The following CHD6 variants were observed in gnomAD, a reference collection of about 807,000 sequenced individuals.
The protein encoded by CHD6 is chromodomain helicase DNA binding protein 6.
A neutral mutation model predicts 276.9 loss-of-function variants in CHD6; 50 were observed. That is an observed-to-expected ratio of 0.18 (90% CI 0.14 to 0.23). CHD6 has a LOEUF of 0.23. CHD6 is among the 10% of genes least tolerant of loss of function. The probability of loss-of-function intolerance (pLI) is 1.00; values close to 1 mark genes in which losing one functional copy is unlikely to be tolerated. For synonymous variants in CHD6, 1,173 were observed against 1,229.3 expected (o/e 0.95, Z 0.96); for missense variants, 2,564 against 3,365.8 (o/e 0.76, Z 5.89).
At chr20:41,471,115 T>G (rs1385945156) in intron 17 of CHD6, among the ~76,000 whole-genome samples, 1 of 152,244 alleles carries the variant, frequency 6.6e-6, no homozygotes, top group Non-Finnish European at 1.5e-5. Flanking sequence ...TATTTTAGGT[T>G]TTGTTGGCTA....
At chr20:41,510,722 T>C (rs906338121) in intron 5 of CHD6, among the ~76,000 whole-genome samples, 20 of 152,206 alleles carry the variant, frequency 1.3e-4, no homozygotes, top group Non-Finnish European at 2.1e-4. Context: ...ATCTGAAATA[T>C]GATTAATGGC....
At position 41,433,718 on chromosome 20, in the gene CHD6, C is replaced by T. The variant is rs570548312; in HGVS notation, c.4068+3556G>A. ...TGGGTAAATATAGCATATTTTCCTT[C>T]TCCTCTTGAGTTTTCTAAGTGATGT... On this transcript the variant is annotated intron_variant, in intron 27 of 36. Transcript: ENST00000373233. 2.4e-4 allele frequency among the ~76,000 whole-genome samples: 36 copies of T among 151,516 alleles called. No homozygotes were observed. In the South Asian group the frequency reaches 7.3e-3, roughly 31 times the overall value.
chr20:41,463,425 C>T (rs866404715), intron 17 of CHD6, among the ~76,000 whole-genome samples: 2 of 152,122 alleles, frequency 1.3e-5, no homozygotes, highest in African/African-American at 4.8e-5. Context: ...AAGGGAAAAA[C>T]AGAAACTTTA....
At chr20:41,588,951 C>T (rs1343109770) in intron 1 of CHD6, among the ~76,000 whole-genome samples, 3 of 152,038 alleles carry the variant, frequency 2.0e-5, no homozygotes, top group African/African-American at 7.3e-5. Flanking sequence ...TGATGAACAT[C>T]GATGCAAAAA....
chr20:41,551,363 G>A lies in CHD6; in HGVS notation c.-23-3C>T, dbSNP rs758846925. The A allele has an allele frequency of 5.3e-6, 7 of 1,318,680 alleles. No individual in the cohort carries two copies. Among genetic ancestry groups the A allele is most frequent in the Non-Finnish European group, 7.6e-6 (7 of 925,938 alleles). The allele number at this position is 1,318,680 out of a possible 1,614,324, so 81.7% of individuals were successfully genotyped here. On this transcript the variant is annotated splice_polypyrimidine_tract_variant and splice_region_variant and intron_variant, in intron 1 of 36. Coordinates refer to ENST00000373233, the MANE Select transcript of CHD6 (RefSeq NM_032221.5). ...CTATTGAAGGAAGATATTTATTTCT[G>A]TAAAACATTTTTAAAAAGGCAAAGA...
chr20:41,451,254 G>C, intron 22 of CHD6, 149 bp from the exon 23 acceptor site: 2 of 651,224 alleles, frequency 3.1e-6, no homozygotes, highest in Non-Finnish European at 5.3e-6. Flanking sequence ...GGTGGTGGTG[G>C]TAGGAAGGAA....
chr20:41,605,877 A>C (rs1392027920), intron 1 of CHD6, among the ~76,000 whole-genome samples: 1 of 152,248 alleles, frequency 6.6e-6, no homozygotes, highest in Admixed American at 6.5e-5. Flanking sequence ...ATACTTGACC[A>C]AATGAAAACT....
chr20:41,441,089 C>T (rs1050223941), intron 25 of CHD6, among the ~76,000 whole-genome samples: 1 of 152,160 alleles, frequency 6.6e-6, no homozygotes, highest in African/African-American at 2.4e-5. Flanking sequence ...AGGTGCTGCC[C>T]ACATGAGGTA....
chr20:41,593,486 A>G (rs1339656754), intron 1 of CHD6, among the ~76,000 whole-genome samples: 1 of 152,142 alleles, frequency 6.6e-6, no homozygotes, highest in Non-Finnish European at 1.5e-5. Flanking sequence ...GTCCCACATG[A>G]CTTTGGCCTA....
intron 17 of CHD6, among the ~76,000 whole-genome samples, chr20:41,459,684 C>T (rs950721112): frequency 6.6e-6 from 1 of 152,238 alleles, no homozygotes; most frequent in East Asian, 1.9e-4. Context: ...AGCCTTTCGC[C>T]TCTTGCCATG....
chr20:41,447,186 G>T (rs2048096065), intron 24 of CHD6, among the ~76,000 whole-genome samples: 1 of 152,124 alleles, frequency 6.6e-6, no homozygotes, highest in South Asian at 2.1e-4. Flanking sequence ...ATTGCTCAAT[G>T]GAAAGCAAGA....
chr20:41,535,436 T>G (rs2044807378), intron 2 of CHD6, among the ~76,000 whole-genome samples: 1 of 152,174 alleles, frequency 6.6e-6, no homozygotes, highest in African/African-American at 2.4e-5. Flanking sequence ...GGCTACTGAG[T>G]GCAGGAGCCT....
chr20:41,438,227 G>C (rs2047778607), intron 26 of CHD6, among the ~76,000 whole-genome samples: 1 of 152,146 alleles, frequency 6.6e-6, no homozygotes, highest in Non-Finnish European at 1.5e-5. Context: ...TAGCTCAGCT[G>C]CCTAATGTCT....
intron 3 of CHD6, among the ~76,000 whole-genome samples, chr20:41,524,790 CA>C (rs1285542550): frequency 6.6e-6 from 1 of 152,154 alleles, no homozygotes; most frequent in Non-Finnish European, 1.5e-5. Context: ...TGGAGGCAAC[CA>C]CACTTTAAAT....
intron 5 of CHD6, among the ~76,000 whole-genome samples, chr20:41,506,967 G>T (rs2043991081): frequency 6.6e-6 from 1 of 152,196 alleles, no homozygotes; most frequent in Non-Finnish European, 1.5e-5. Flanking sequence ...CAGAGCACTT[G>T]GGTGAATTAG....
At position 41,547,523 on chromosome 20, in the gene CHD6, C is replaced by G. The variant is rs556619185; in HGVS notation, c.33+3782G>C. 381 of 440,428 alleles carry G rather than the reference C, an allele frequency of 8.7e-4. 3 individuals carry two copies. Among genetic ancestry groups the G allele is most frequent in the South Asian group, 6.5e-3 (371 of 57,460 alleles). The allele number at this position is 440,428 out of a possible 1,614,324, so 27.3% of individuals were successfully genotyped here. A position where few individuals can be genotyped will look rare whatever the true frequency, so the allele number is the denominator to read the frequency against. ...CTGCACTGGCTCCCAGGATAAGACC[C>G]CTGGGTCTGTCTCCCAAAAAGGTTG... On this transcript the variant is annotated intron_variant, in intron 2 of 36. Transcript: ENST00000373233.
At chr20:41,466,069 G>A (rs2042912551) in intron 17 of CHD6, among the ~76,000 whole-genome samples, 1 of 152,272 alleles carries the variant, frequency 6.6e-6, no homozygotes, top group African/African-American at 2.4e-5. Context: ...GGGCGTGGTG[G>A]CGCGTGCCTG....
chr20:41,495,466 T>C (rs2043661324), intron 8 of CHD6, among the ~76,000 whole-genome samples: 1 of 151,918 alleles, frequency 6.6e-6, no homozygotes, highest in Admixed American at 6.6e-5. Context: ...GGAGGGGAAA[T>C]GGGGAAGACA....
intron 2 of CHD6, among the ~76,000 whole-genome samples, chr20:41,544,543 G>A (rs1219864659): frequency 6.6e-6 from 1 of 151,866 alleles, no homozygotes; most frequent in Non-Finnish European, 1.5e-5. Context: ...TTTTGTGTCT[G>A]TCTCATAAAT....
Sources: gnomAD v4.1 joint callset for allele counts (sites outside exome capture counted in the v4.1 genomes callset) on GRCh38, gnomAD v4.1.1 for gene constraint, MANE v1.5 for transcripts, NCBI Gene and HGNC (gene_info 2026-07-23, HGNC 2026-07-21) for gene names.